The following C10orf90 variants were observed in gnomAD, a reference collection of about 807,000 sequenced individuals.
C10orf90 encodes the protein (E2-independent) E3 ubiquitin-conjugating enzyme FATS.
C10orf90 carries 56 observed loss-of-function variants against 62.5 expected under a neutral mutation model. The observed-to-expected ratio is 0.90, with a 90% CI of 0.72 to 1.12. C10orf90 has a LOEUF of 1.12. Among genes scored for constraint, C10orf90 ranks in the 50% most tolerant of loss-of-function variants. C10orf90 has a pLI of 0.00. For missense variants in C10orf90, 970 were observed against 880.4 expected (o/e 1.10, Z -1.29); for synonymous variants, 386 against 340.4 (o/e 1.13, Z -1.47).
At chr10:126,533,093 C>T (rs893037799) in intron 2 of C10orf90, among the ~76,000 whole-genome samples, 3 of 151,294 alleles carry the variant, frequency 2.0e-5, no homozygotes, top group African/African-American at 4.9e-5. Flanking sequence ...CCACCACGCC[C>T]GGCTAATGTT....
chr10:126,521,361 G>A (rs779392348), intron 2 of C10orf90: 4 of 1,613,492 alleles, frequency 2.5e-6, no homozygotes, highest in Admixed American at 3.3e-5. Context: ...CAGTTTCAAA[G>A]GTCTTTTAAT....
At chr10:126,505,117 G>A (rs1307630698) in intron 3 of C10orf90, 32 bp from the exon 4 acceptor site, 1 of 1,574,044 alleles carries the variant, frequency 6.4e-7, no homozygotes, top group African/African-American at 1.4e-5. Flanking sequence ...GATTATTCAA[G>A]CAGTCTATTG....
chr10:126,433,700 G>A (rs1263916486), intron 7 of C10orf90, among the ~76,000 whole-genome samples: 1 of 152,114 alleles, frequency 6.6e-6, no homozygotes, highest in African/African-American at 2.4e-5. Flanking sequence ...CAACCTGCAT[G>A]AGCTTTGTTT....
At chr10:126,603,056 G>A (rs184612337) in intron 2 of C10orf90, among the ~76,000 whole-genome samples, 33 of 152,102 alleles carry the variant, frequency 2.2e-4, no homozygotes, top group Admixed American at 1.2e-3. Context: ...AGGTGCGGTG[G>A]GGGAGGGGAT....
At chr10:126,555,534 C>G (rs1374411143) in intron 2 of C10orf90, among the ~76,000 whole-genome samples, 9 of 150,636 alleles carry the variant, frequency 6.0e-5, no homozygotes, top group African/African-American at 2.2e-4. Context: ...AAAAAATTAG[C>G]TGGACATGGT....
intron 2 of C10orf90, among the ~76,000 whole-genome samples, chr10:126,600,913 C>G (rs1433145838): frequency 6.6e-6 from 1 of 152,194 alleles, no homozygotes; most frequent in Non-Finnish European, 1.5e-5. Flanking sequence ...GTACTATTTA[C>G]AGTAGCCAAG....
At chr10:126,564,757 G>A (rs75968961) in intron 2 of C10orf90, among the ~76,000 whole-genome samples, 3 of 131,124 alleles carry the variant, frequency 2.3e-5, no homozygotes, top group African/African-American at 8.8e-5. Flanking sequence ...CCTCCTGAAG[G>A]CGTCCAATTA....
chr10:126,582,172 C>T (rs1465254545), intron 2 of C10orf90, among the ~76,000 whole-genome samples: 1 of 152,170 alleles, frequency 6.6e-6, no homozygotes, highest in Non-Finnish European at 1.5e-5. Context: ...CTTAATAAGT[C>T]CCCCAAACTA....
At chr10:126,611,905 C>T (rs1845442629) in intron 2 of C10orf90, among the ~76,000 whole-genome samples, 1 of 152,206 alleles carries the variant, frequency 6.6e-6, no homozygotes, top group Non-Finnish European at 1.5e-5. Context: ...TGCTCTAGAC[C>T]TATCCTGTCC....
chr10:126,461,685 A>C (rs1859989226), intron 5 of C10orf90, 100 bp from the exon 6 acceptor site: 6 of 1,173,660 alleles, frequency 5.1e-6, no homozygotes, highest in Non-Finnish European at 7.2e-6. Context: ...GAAAATAGAA[A>C]CGCCAGTGGA....
chr10:126,519,832 C>T (rs1487860116), intron 2 of C10orf90, among the ~76,000 whole-genome samples: 1 of 152,146 alleles, frequency 6.6e-6, no homozygotes, highest in Non-Finnish European at 1.5e-5. Flanking sequence ...ATTTCTCTGT[C>T]CTGCCTTTGT....
intron 4 of C10orf90, among the ~76,000 whole-genome samples, chr10:126,485,852 C>A (rs1861406463): frequency 1.3e-5 from 2 of 151,252 alleles, no homozygotes; most frequent in Admixed American, 1.3e-4. Context: ...GAGGCTGAGG[C>A]AGGAGAATGG....
At chr10:126,430,632 G>T (rs1857516038) in intron 7 of C10orf90, among the ~76,000 whole-genome samples, 1 of 152,138 alleles carries the variant, frequency 6.6e-6, no homozygotes, top group Non-Finnish European at 1.5e-5. Context: ...TGCTCCTGGG[G>T]TGCTTGTTGC....
intron 8 of C10orf90, among the ~76,000 whole-genome samples, chr10:126,429,321 G>C (rs1857437557): frequency 6.6e-6 from 1 of 152,130 alleles, no homozygotes; most frequent in Admixed American, 6.5e-5. Context: ...CTAGCTCACG[G>C]CCCCACTGAG....
chr10:126,504,542 G>A lies in C10orf90; in HGVS notation c.949C>T (p.Arg317Cys), dbSNP rs772583912. The change falls in exon 4 of 10, where the codon CGC becomes TGC. Residue 317 changes from arginine (R) to cysteine (C), a missense_variant. Arg to Cys is a radical substitution (Grantham distance 180). Transcript: ENST00000488181. This position sits in a 1 kb window ranked among gnomAD's most constrained non-coding sequence, Gnocchi z 4.1. The part of the protein sequence containing the change: ...PEAHTGLCER[R>C]KYWVTHADDK... ...TCTGCATGGGTGACCCAGTACTTGC[G>A]TCTCTCACACAACCCAGTGTGGGCC... is the stretch of plus-strand genomic sequence containing the variant. 17 of 1,614,078 alleles carry A rather than the reference G, an allele frequency of 1.1e-5. 1 individual carries two copies. The highest frequency in any genetic ancestry group is 4.4e-5 in the South Asian group (4 of 91,092).
intron 4 of C10orf90, among the ~76,000 whole-genome samples, chr10:126,476,262 A>C (rs1012762582): frequency 6.6e-6 from 1 of 152,182 alleles, no homozygotes; most frequent in Non-Finnish European, 1.5e-5. Context: ...TGGTTTTCTC[A>C]GACACTTTTT....
At position 126,634,911 on chromosome 10, in the gene C10orf90, C is replaced by A. The variant is rs57459163; in HGVS notation, c.313+11654G>T. Among the ~76,000 whole-genome samples the A allele has an allele frequency of 4.7e-3, 719 of 152,276 alleles. 5 individuals are homozygous for A. Among genetic ancestry groups the A allele is most frequent in the African/African-American group, 0.017 (689 of 41,552 alleles). ...ACAAAATTTTAATCCGTGCTCTGGG[C>A]ACCCCAAGCTAAGAATCCACATTCC... On this transcript the variant is annotated intron_variant, in intron 2 of 9. Coordinates refer to ENST00000488181, the MANE Select transcript of C10orf90 (RefSeq NM_001350921.2).
intron 2 of C10orf90, among the ~76,000 whole-genome samples, chr10:126,600,637 G>A (rs930648442): frequency 3.9e-5 from 6 of 152,070 alleles, no homozygotes; most frequent in Admixed American, 6.5e-5. Context: ...AGATATCTAC[G>A]TCCTCCTCTG....
chr10:126,670,207 G>T (rs894929091), intron 1 of C10orf90, 34 bp downstream of exon 1: 5 of 455,374 alleles, frequency 1.1e-5, no homozygotes, highest in Non-Finnish European at 2.2e-5. Flanking sequence ...TGAGTCAAGC[G>T]TGTACCCACT....
Sources: gnomAD v4.1 joint callset for allele counts (sites outside exome capture counted in the v4.1 genomes callset) on GRCh38, gnomAD v4.1.1 for gene constraint, Gnocchi (gnomAD v3.1) non-coding constraint, MANE v1.5 for transcripts, NCBI Gene and HGNC (gene_info 2026-07-23, HGNC 2026-07-21) for gene names.